The following FBXL13 variants were observed in gnomAD, a reference collection of about 807,000 sequenced individuals.
FBXL13 encodes the protein F-box and leucine-rich repeat protein 13.
Under a neutral mutation model 83.6 loss-of-function variants are expected in FBXL13, and 67 were observed. The ratio of observed to expected loss-of-function variants is 0.80; its 90% CI spans 0.66 to 0.98. FBXL13 has a LOEUF of 0.98. Ranked by LOEUF, FBXL13 falls within the 50% of genes least tolerant of loss-of-function variation. FBXL13 has a pLI of 0.00. For synonymous variants in FBXL13, 272 were observed against 299.5 expected (o/e 0.91, Z 0.95); for missense variants, 822 against 866.5 (o/e 0.95, Z 0.64).
At chr7:102,934,528 G>A (rs1319867183) in intron 8 of FBXL13, 1 of 1,598,188 alleles carries the variant, frequency 6.3e-7, no homozygotes, top group Non-Finnish European at 8.5e-7. Flanking sequence ...AACTGCGGCA[G>A]ATAAAATCTG....
At position 102,882,762 on chromosome 7, in the gene FBXL13, A is replaced by AAAAAC. The variant is rs142466646; in HGVS notation, c.1388+538_1388+542dup. ...GGGCAACAGAGCGAGACTCTGTCTC[A>AAAAAC]AAAACAAAACAAAACAAAACAAAAC... On this transcript the variant is annotated intron_variant, in intron 14 of 19. Coordinates refer to ENST00000313221, the Ensembl canonical transcript of FBXL13. Among the ~76,000 whole-genome samples the AAAAAC allele has an allele frequency of 1.1e-3, 161 of 150,670 alleles. 1 individual carries two copies. The highest frequency in any genetic ancestry group is 3.4e-3 in the Middle Eastern group (1 of 294).
chr7:102,968,011 T>G lies in FBXL13; in HGVS notation c.591+11A>C. On this transcript the variant is annotated intron_variant, in intron 7 of 19. Coordinates refer to ENST00000313221, the Ensembl canonical transcript of FBXL13. The stretch of plus-strand genomic sequence containing the variant: ...TAGTGTAAAGACATAGTTCAGTTAG[T>G]ATCTACTTACAGCATTCCACAGTGA... 6.3e-7 allele frequency: 1 copy of G among 1,597,894 alleles called. No individual in the cohort carries two copies. The highest frequency in any genetic ancestry group is 8.6e-7 in the Non-Finnish European group (1 of 1,165,490).
chr7:103,059,111 GT>G (rs1471956624), intron 1 of FBXL13, among the ~76,000 whole-genome samples: 2 of 152,122 alleles, frequency 1.3e-5, no homozygotes, highest in Non-Finnish European at 2.9e-5. Context: ...TACAAAAATT[GT>G]TTTAAAAATT....
intron 16 of FBXL13, among the ~76,000 whole-genome samples, chr7:102,855,309 G>C (rs993258101): frequency 1.3e-5 from 2 of 152,066 alleles, no homozygotes; most frequent in African/African-American, 4.8e-5. Context: ...ATCCCTTGAA[G>C]AGGAAGAGAA....
chr7:103,028,519 C>A lies in FBXL13; in HGVS notation c.217+81G>T, dbSNP rs11980194. On this transcript the variant is annotated intron_variant, in intron 4 of 19. Transcript: ENST00000313221. ...TAAAAATGATAGGTTCTCTAAGTAC[C>A]CAAAGTATGCTTAACTGTTAGTTTT... The A allele has an allele frequency of 2.5e-3, 2,491 of 1,001,090 alleles. 47 individuals carry two copies. In the African/African-American group the frequency reaches 0.039, roughly 16 times the overall value. The allele number at this position is 1,001,090 out of a possible 1,614,324, so 62.0% of individuals were successfully genotyped here. A position where few individuals can be genotyped will look rare whatever the true frequency, so the allele number is the denominator to read the frequency against.
intron 4 of FBXL13, among the ~76,000 whole-genome samples, chr7:103,027,859 T>A (rs879894823): frequency 2.0e-5 from 3 of 152,216 alleles, no homozygotes; most frequent in African/African-American, 7.2e-5. Context: ...CCAGAACTTC[T>A]AAACTTTTTC....
intron 11 of FBXL13, among the ~76,000 whole-genome samples, chr7:102,910,593 T>G (rs530468944): frequency 1.8e-4 from 28 of 152,158 alleles, no homozygotes; most frequent in Admixed American, 7.2e-4. Flanking sequence ...TGAATCCCCA[T>G]GCACTGCTCC....
At chr7:103,010,879 C>T (rs901525905) in intron 6 of FBXL13, among the ~76,000 whole-genome samples, 1 of 152,176 alleles carries the variant, frequency 6.6e-6, no homozygotes, top group African/African-American at 2.4e-5. Context: ...CCTGTGCAAC[C>T]GAACACCCAA....
chr7:103,053,325 G>C (rs1297523737), intron 2 of FBXL13, among the ~76,000 whole-genome samples: 2 of 151,426 alleles, frequency 1.3e-5, no homozygotes, highest in African/African-American at 4.9e-5. Flanking sequence ...ACTAATTTTT[G>C]TACTTTTAGT....
chr7:102,826,909 TA>T (rs1164501116), intron 18 of FBXL13, among the ~76,000 whole-genome samples: 4 of 149,654 alleles, frequency 2.7e-5, no homozygotes, highest in East Asian at 3.9e-4. Flanking sequence ...TATTATGTTA[TA>T]TTATGCTATA....
At chr7:102,935,376 C>T (rs948996218) in intron 8 of FBXL13, among the ~76,000 whole-genome samples, 2 of 150,798 alleles carry the variant, frequency 1.3e-5, no homozygotes, top group Non-Finnish European at 2.9e-5. Flanking sequence ...CTCAGCCTCT[C>T]GAGTAGCTGA....
At chr7:103,000,277 C>A (rs1790255925) in intron 6 of FBXL13, among the ~76,000 whole-genome samples, 1 of 152,078 alleles carries the variant, frequency 6.6e-6, no homozygotes, top group Admixed American at 6.6e-5. Context: ...CTTTGAAAGG[C>A]CAAGGCAGGA....
At chr7:103,065,171 GA>G (rs35067621) in intron 1 of FBXL13, among the ~76,000 whole-genome samples, 3 of 148,364 alleles carry the variant, frequency 2.0e-5, no homozygotes, top group Admixed American at 2.0e-4. Context: ...CATACATTCT[GA>G]AAAAAAAAGC....
intron 11 of FBXL13, 130 bp from the exon 13 acceptor site, chr7:102,884,442 C>T (rs919814680): frequency 1.5e-5 from 10 of 645,312 alleles, no homozygotes; most frequent in Non-Finnish European, 2.7e-5. Flanking sequence ...GTGGCAGACA[C>T]AAGAGGGAAA....
intron 9 of FBXL13, 89 bp from the exon 11 acceptor site, chr7:102,926,463 C>T (rs1347246524): frequency 6.0e-6 from 6 of 992,830 alleles, no homozygotes; most frequent in Non-Finnish European, 7.4e-6. Flanking sequence ...TCTTCCTGTT[C>T]CAGAAAAAAA....
Position 102,939,062 on chromosome 7 carries a change from C to T in FBXL13, c.725-7129G>A, listed in dbSNP as rs991116091. 5.3e-5 allele frequency among the ~76,000 whole-genome samples: 8 copies of T among 152,184 alleles called. No individual in the cohort carries two copies. The East Asian group carries it at 1.3e-3, about 26-fold the overall frequency. ...TGCCCTAAAATGGTTGCTCTGTCAT[C>T]CACCTTCATGTCCAGCCCAGCAGAT... On this transcript the variant is annotated intron_variant, in intron 8 of 19. Transcript: ENST00000313221.
intron 2 of FBXL13, among the ~76,000 whole-genome samples, chr7:103,055,427 C>T (rs1797240659): frequency 6.6e-6 from 1 of 152,092 alleles, no homozygotes; most frequent in Admixed American, 6.5e-5. Context: ...GCCCTATGAA[C>T]ACGTTACTGA....
At chr7:102,954,957 C>T (rs2129477744) in intron 8 of FBXL13, among the ~76,000 whole-genome samples, 1 of 152,082 alleles carries the variant, frequency 6.6e-6, no homozygotes, top group East Asian at 1.9e-4. Flanking sequence ...AGTTTAACAC[C>T]CCACTGTCAA....
At chr7:102,954,085 G>A (rs1823853017) in intron 8 of FBXL13, among the ~76,000 whole-genome samples, 2 of 152,134 alleles carry the variant, frequency 1.3e-5, no homozygotes, top group South Asian at 2.1e-4. Context: ...TGGTTGGACA[G>A]TGGGTGCAGC....
Sources: allele counts gnomAD v4.1 joint callset (sites outside exome capture counted in the v4.1 genomes callset), GRCh38; gene constraint gnomAD v4.1.1; transcripts MANE v1.5; gene names NCBI Gene and HGNC (gene_info 2026-07-23, HGNC 2026-07-21).